SPOCK3: variants seen among roughly 807,000 people sequenced by gnomAD.
The protein encoded by SPOCK3 is testican-3.
In SPOCK3, 30 loss-of-function variants were observed where a neutral mutation model predicts 56.6. The observed-to-expected ratio is 0.53, with a 90% CI of 0.40 to 0.72. The LOEUF is 0.72. Ranked by LOEUF, SPOCK3 falls within the 30% of genes least tolerant of loss-of-function variation. The pLI is 0.00. For missense variants in SPOCK3, 527 were observed against 530.0 expected, an observed-to-expected ratio of 0.99 and a Z score of 0.06; for synonymous variants, 196 against 183.3, an observed-to-expected ratio of 1.07 and a Z score of -0.56.
intron 3 of SPOCK3, among the ~76,000 whole-genome samples, chr4:167,002,021 C>T (rs922662951): frequency 5.3e-5 from 8 of 151,928 alleles, no homozygotes; most frequent in African/African-American, 9.7e-5. Context: ...TTCAGTGGTG[C>T]GATCTCGGCT....
At chr4:167,026,367 T>C (rs1420712046) in intron 3 of SPOCK3, among the ~76,000 whole-genome samples, 2 of 152,070 alleles carry the variant, frequency 1.3e-5, no homozygotes, top group Non-Finnish European at 2.9e-5. Context: ...TGGGCATCTT[T>C]ACTAAGAACT....
intron 2 of SPOCK3, among the ~76,000 whole-genome samples, chr4:167,110,485 T>C (rs1760804923): frequency 6.6e-6 from 1 of 152,070 alleles, no homozygotes; most frequent in South Asian, 2.1e-4. Flanking sequence ...GTCTCTGAAC[T>C]TATTAGTATG....
chr4:166,797,356 T>C (rs1234996726), intron 6 of SPOCK3, among the ~76,000 whole-genome samples: 1 of 151,492 alleles, frequency 6.6e-6, no homozygotes, highest in Non-Finnish European at 1.5e-5. Flanking sequence ...TATTTGATCT[T>C]TTTTATTCAA....
chr4:166,946,789 G>A (rs28670787), intron 4 of SPOCK3, among the ~76,000 whole-genome samples: 7,818 of 152,206 alleles, frequency 0.051, 655 homozygotes, highest in African/African-American at 0.18. Context: ...TACAGCATGG[G>A]CAGGAATGGT....
chr4:166,923,072 G>A (rs1201551182), intron 4 of SPOCK3, among the ~76,000 whole-genome samples: 2 of 152,198 alleles, frequency 1.3e-5, no homozygotes, highest in African/African-American at 2.4e-5. Context: ...GGTGTTGGCA[G>A]GACTACACTC....
chr4:167,066,264 C>A (rs951176708), intron 2 of SPOCK3, among the ~76,000 whole-genome samples: 3 of 151,764 alleles, frequency 2.0e-5, no homozygotes, highest in African/African-American at 7.3e-5. Flanking sequence ...CCAGATAATT[C>A]TTCGTTGTGT....
chr4:166,748,818 G>C (rs1735985821), intron 8 of SPOCK3, among the ~76,000 whole-genome samples: 1 of 137,032 alleles, frequency 7.3e-6, no homozygotes, highest in South Asian at 2.2e-4. Flanking sequence ...CCATCAAAAA[G>C]TGGGTAAAGG....
At chr4:167,014,875 A>C (rs1368805592) in intron 3 of SPOCK3, among the ~76,000 whole-genome samples, 4 of 152,042 alleles carry the variant, frequency 2.6e-5, no homozygotes, top group East Asian at 3.9e-4. Context: ...CATTCACAAA[A>C]ATGTCTCAAA....
At chr4:167,090,335 T>A (rs1216617460) in intron 2 of SPOCK3, among the ~76,000 whole-genome samples, 2 of 152,078 alleles carry the variant, frequency 1.3e-5, no homozygotes, top group Non-Finnish European at 2.9e-5. Flanking sequence ...ATTCTAATAA[T>A]GTATAGTGGT....
intron 6 of SPOCK3, among the ~76,000 whole-genome samples, chr4:166,804,217 T>G (rs1451799475): frequency 6.6e-6 from 1 of 152,108 alleles, no homozygotes; most frequent in Non-Finnish European, 1.5e-5. Flanking sequence ...GGGTGAAAGA[T>G]AAATAACACA....
chr4:166,821,302 A>T (rs541250437), intron 6 of SPOCK3, among the ~76,000 whole-genome samples: 1 of 152,220 alleles, frequency 6.6e-6, no homozygotes, highest in East Asian at 1.9e-4. Context: ...CGGAGCATAC[A>T]AAGTGTTGTC....
chr4:167,122,022 C>A (rs1199006515), intron 2 of SPOCK3, among the ~76,000 whole-genome samples: 2 of 151,694 alleles, frequency 1.3e-5, no homozygotes, highest in Non-Finnish European at 2.9e-5. Context: ...CATTAATAAC[C>A]TTCCCTCCCT....
rs1754691949 is a variant in SPOCK3 at position 167,055,424 on chromosome 4, T to C, written c.235+7068A>G. ...TTCCATCTGAGGTACTGGGTTCATC[T>C]CACTAGGGAGTGCCAGACAGTGGGC... On this transcript the variant is annotated intron_variant, in intron 3 of 10. Coordinates refer to ENST00000357545, the MANE Select transcript of SPOCK3 (RefSeq NM_001040159.2). Among the ~76,000 whole-genome samples, 3 of 152,224 alleles carry C rather than the reference T, an allele frequency of 2.0e-5. No homozygotes were observed. In the Middle Eastern group the frequency reaches 0.01, roughly 518 times the overall value.
intron 6 of SPOCK3, among the ~76,000 whole-genome samples, chr4:166,850,358 A>G (rs1439794574): frequency 2.0e-5 from 3 of 152,222 alleles, no homozygotes; most frequent in Non-Finnish European, 4.4e-5. Context: ...ATGGAATAAA[A>G]GATGTCTAGA....
At chr4:167,216,832 C>T (rs941732269) in intron 2 of SPOCK3, among the ~76,000 whole-genome samples, 2 of 151,996 alleles carry the variant, frequency 1.3e-5, no homozygotes, top group Non-Finnish European at 2.9e-5. Flanking sequence ...AGTTTCTGCG[C>T]CCCAAAATAA....
chr4:166,847,444 C>A (rs1330827384), intron 6 of SPOCK3, among the ~76,000 whole-genome samples: 1 of 151,504 alleles, frequency 6.6e-6, no homozygotes, highest in Non-Finnish European at 1.5e-5. Flanking sequence ...ACTAAACTTG[C>A]AATTCTGAGG....
intron 6 of SPOCK3, among the ~76,000 whole-genome samples, chr4:166,858,020 G>T (rs759338520): frequency 2.6e-5 from 4 of 152,136 alleles, no homozygotes; most frequent in African/African-American, 9.7e-5. Context: ...CATTAACAAA[G>T]CTGGCTTTGT....
chr4:166,888,494 T>C (rs1297542960), intron 6 of SPOCK3, among the ~76,000 whole-genome samples: 3 of 152,028 alleles, frequency 2.0e-5, no homozygotes, highest in African/African-American at 7.2e-5. Flanking sequence ...TAAACAATAT[T>C]TCAAATATAA....
chr4:167,018,429 T>G (rs565834976), intron 3 of SPOCK3, among the ~76,000 whole-genome samples: 1 of 152,204 alleles, frequency 6.6e-6, no homozygotes, highest in South Asian at 2.1e-4. Context: ...AGGAAAATTC[T>G]TGTCTTCTTC....
Sources: allele counts gnomAD v4.1 joint callset (sites outside exome capture counted in the v4.1 genomes callset), GRCh38; gene constraint gnomAD v4.1.1; transcripts MANE v1.5; gene names NCBI Gene and HGNC (gene_info 2026-07-23, HGNC 2026-07-21).